The following MTDH variants were observed in gnomAD, a reference collection of about 807,000 sequenced individuals.
MTDH encodes metadherin, also known as protein LYRIC.
A neutral mutation model predicts 72.7 loss-of-function variants in MTDH; 34 were observed. The ratio of observed to expected loss-of-function variants is 0.47; its 90% CI spans 0.36 to 0.62. MTDH has a LOEUF of 0.62. Ranked by LOEUF, MTDH falls within the 20% of genes least tolerant of loss-of-function variation. MTDH has a pLI of 0.00. For missense variants in MTDH, 677 were observed against 699.4 expected (o/e 0.97, Z 0.36); for synonymous variants, 266 against 268.9 (o/e 0.99, Z 0.10).
chr8:97,685,183 C>CT (rs898990199), intron 2 of MTDH, among the ~76,000 whole-genome samples: 11 of 149,166 alleles, frequency 7.4e-5, no homozygotes, highest in African/African-American at 2.0e-4. Flanking sequence ...CTCCACATAT[C>CT]TTTTTTTTTT....
At chr8:97,686,776 G>T in intron 3 of MTDH, 24 bp downstream of exon 3, 1 of 1,518,876 alleles carries the variant, frequency 6.6e-7, no homozygotes, top group Admixed American at 2.2e-5. Context: ...GGAAAGGACT[G>T]TAGAAAATTT....
rs761829194 is a variant in MTDH, at chr8:97,687,481, T to A, written c.621T>A (p.Arg207=). The A allele has an allele frequency of 1.2e-6, 2 of 1,613,022 alleles. No individual in the cohort carries two copies. The highest frequency in any genetic ancestry group is 4.5e-5 in the East Asian group (2 of 44,836). ...SHREKRQQRK[R]DKVLTDSGSL... is the part of the protein sequence containing the mutation. The stretch of plus-strand genomic sequence containing the variant: ...GAGAGAAACGACAGCAGCGTAAACG[T>A]GATAAGGTGCTGACTGATTCTGGTT... The change falls in exon 4 of 12, where the codon CGT becomes CGA. Residue 207 remains arginine (R), a synonymous_variant. Coordinates refer to ENST00000336273, the MANE Select transcript of MTDH (RefSeq NM_178812.4).
Position 97,644,527 on chromosome 8 carries a change from G to T in MTDH, c.21G>T (p.Gln7His). ...GGAAGATGGCTGCACGGAGCTGGCA[G>T]GACGAGCTGGCCCAGCAGGCCGAGG... The part of the protein sequence containing the change: MAARSW[Q>H]DELAQQAEEG... Residue 7 changes from glutamine to histidine, a missense_variant, in exon 1 of 12, where the codon CAG (glutamine) becomes CAT (histidine). By Grantham distance (24) the Gln-to-His change is conservative. Around this residue, in one of 3 missense-constraint regions of MTDH, gnomAD observed 467 missense variants for 469.1 expected, o/e 1.00. Transcript: ENST00000336273. 1 of 1,593,208 alleles carries T rather than the reference G, an allele frequency of 6.3e-7. No homozygotes were observed.
chr8:97,700,236 A>G (rs1814052003), intron 7 of MTDH, among the ~76,000 whole-genome samples: 2 of 152,146 alleles, frequency 1.3e-5, no homozygotes, highest in African/African-American at 4.8e-5. Context: ...TACTTTCTTA[A>G]CCCAGTTGCC....
At chr8:97,663,666 G>A (rs1055868967) in intron 2 of MTDH, among the ~76,000 whole-genome samples, 5 of 143,532 alleles carry the variant, frequency 3.5e-5, no homozygotes, top group African/African-American at 5.4e-5. Context: ...GGAGAATGGC[G>A]TGAATCCAGG....
chr8:97,680,304 T>G (rs1813020429), intron 2 of MTDH, among the ~76,000 whole-genome samples: 1 of 152,148 alleles, frequency 6.6e-6, no homozygotes, highest in South Asian at 2.1e-4. Flanking sequence ...ACTCCTGGCC[T>G]CAATCGGTCG....
rs1449789184 is a variant in MTDH at position 97,686,707 on chromosome 8, G to A, written c.523G>A (p.Ala175Thr). The A allele has an allele frequency of 1.3e-6, 2 of 1,594,478 alleles. No individual in the cohort carries two copies. Among genetic ancestry groups the A allele is most frequent in the Middle Eastern group, 1.7e-4 (1 of 5,998 alleles). The change falls in exon 3 of 12, where the codon GCA becomes ACA. Residue 175 changes from alanine (A) to threonine (T), a missense_variant. Around this residue, in one of 3 missense-constraint regions of MTDH, gnomAD observed 467 missense variants for 469.1 expected, o/e 1.00. Coordinates refer to ENST00000336273, the MANE Select transcript of MTDH (RefSeq NM_178812.4). The part of the protein sequence containing the change: ...NKKKSKSDAK[A>T]VQNSSRHDGK... Reference sequence around the variant, plus strand: ...GAAGAAATCAAAGTCAGATGCTAAAGCAGTGCAAAACAGTTCACGCCATGA... The same window carrying A: ...GAAGAAATCAAAGTCAGATGCTAAAACAGTGCAAAACAGTTCACGCCATGA...
In MTDH at chr8:97,719,355, C is replaced by T. The variant is rs562946131; in HGVS notation, c.1521+166C>T. 2.6e-5 allele frequency among the ~76,000 whole-genome samples: 4 copies of T among 151,562 alleles called. No homozygotes were observed. In the East Asian group the frequency reaches 5.8e-4, roughly 22 times the overall value. ...TAAAAATACAAAAATTAGCCGGGCACGGTGATGGGAGCCTGTAACCCCAGC... is the reference window on the plus strand; with the variant it reads ...TAAAAATACAAAAATTAGCCGGGCATGGTGATGGGAGCCTGTAACCCCAGC... On this transcript the variant is annotated intron_variant, in intron 10 of 11. Transcript: ENST00000336273.
At chr8:97,651,651 A>C (rs999017169) in intron 1 of MTDH, among the ~76,000 whole-genome samples, 1 of 152,208 alleles carries the variant, frequency 6.6e-6, no homozygotes, top group Non-Finnish European at 1.5e-5. Context: ...GTGAAAAGAT[A>C]AATTCACCAA....
chr8:97,668,806 C>T (rs1034187451), intron 2 of MTDH, among the ~76,000 whole-genome samples: 43 of 152,136 alleles, frequency 2.8e-4, no homozygotes, highest in African/African-American at 8.9e-4. Flanking sequence ...CCGCCCACCT[C>T]GGCCTCCCAA....
At chr8:97,722,397 C>G (rs920439305) in intron 10 of MTDH, among the ~76,000 whole-genome samples, 2 of 152,042 alleles carry the variant, frequency 1.3e-5, no homozygotes, top group Admixed American at 1.3e-4. Flanking sequence ...GTCAAGAGAT[C>G]GAGACCATCC....
At chr8:97,697,121 A>C (rs1813869094) in intron 6 of MTDH, among the ~76,000 whole-genome samples, 1 of 89,458 alleles carries the variant, frequency 1.1e-5, no homozygotes, top group Admixed American at 1.2e-4. Context: ...CTGTCTCACA[A>C]AAAAAAAAAT....
At chr8:97,684,882 A>G (rs944224027) in intron 2 of MTDH, among the ~76,000 whole-genome samples, 1 of 152,220 alleles carries the variant, frequency 6.6e-6, no homozygotes, top group Non-Finnish European at 1.5e-5. Flanking sequence ...CCTGGCTGAC[A>G]TGGTGAAATC....
At chr8:97,661,535 C>G (rs1359971792) in intron 2 of MTDH, among the ~76,000 whole-genome samples, 1 of 152,138 alleles carries the variant, frequency 6.6e-6, no homozygotes, top group African/African-American at 2.4e-5. Context: ...TAAGACACAT[C>G]TAGCATGAAA....
intron 1 of MTDH, among the ~76,000 whole-genome samples, chr8:97,658,255 T>C (rs924685712): frequency 4.6e-5 from 7 of 152,184 alleles, no homozygotes; most frequent in Non-Finnish European, 8.8e-5. Context: ...AGAGCTATTA[T>C]GTAGATTGAT....
rs951319329 is a variant in MTDH at position 97,682,725 on chromosome 8, A to C, written c.484-3943A>C. ...ATATTTCCTTGTAAACATAATTTCT[A>C]TTATTTTTTCAAAGTCTCCCTTCTT... On this transcript the variant is annotated intron_variant, in intron 2 of 11. Transcript: ENST00000336273. 2.0e-5 allele frequency among the ~76,000 whole-genome samples: 3 copies of C among 151,986 alleles called. No homozygotes were observed. In the South Asian group the frequency reaches 6.2e-4, roughly 32 times the overall value.
intron 2 of MTDH, among the ~76,000 whole-genome samples, chr8:97,682,229 T>C (rs1380323250): frequency 1.7e-5 from 1 of 59,024 alleles, no homozygotes. Context: ...TGTTAATTAC[T>C]TTATATATAT....
In MTDH at chr8:97,722,985, C is replaced by T. The variant is rs745780875; in HGVS notation, c.1628C>T (p.Thr543Ile). The change falls in exon 11 of 12, where the codon ACA (threonine) becomes ATA (isoleucine). Residue 543 changes from threonine (T) to isoleucine (I), a missense_variant. By Grantham distance (89) the Thr-to-Ile change is moderately conservative (BLOSUM62 -1). Transcript: ENST00000336273. ...SSQVPPILQE[T>I]DKSKSNTKQN... ...CAAGTGCCGCCAATACTACAAGAGACAGATAAATCCAAGTCAAATACCAAG... is the reference window on the plus strand; with the variant it reads ...CAAGTGCCGCCAATACTACAAGAGATAGATAAATCCAAGTCAAATACCAAG... 6.8e-6 allele frequency: 11 copies of T among 1,613,970 alleles called. No homozygotes were observed. The highest frequency in any genetic ancestry group is 1.6e-4 in the Middle Eastern group (1 of 6,082).
chr8:97,647,066 C>T (rs1018084565), intron 1 of MTDH, among the ~76,000 whole-genome samples: 1 of 152,124 alleles, frequency 6.6e-6, no homozygotes, highest in Non-Finnish European at 1.5e-5. Flanking sequence ...CAAAGAAGTA[C>T]AAGCTGCCGT....
Sources: allele counts gnomAD v4.1 joint callset (sites outside exome capture counted in the v4.1 genomes callset), GRCh38; gene constraint gnomAD v4.1.1; regional missense constraint gnomAD v4.1.1; transcripts MANE v1.5; gene names NCBI Gene and HGNC (gene_info 2026-07-23, HGNC 2026-07-21).